Variants in DPP10 observed in about 807,000 individuals in gnomAD.
DPP10 encodes the protein inactive dipeptidyl peptidase 10.
DPP10 carries 33 observed loss-of-function variants against 120.9 expected under a neutral mutation model. The observed-to-expected ratio is 0.27, with a 90% CI of 0.21 to 0.37. The LOEUF is 0.37. Ranked by LOEUF, DPP10 falls within the 10% of genes least tolerant of loss-of-function variation. The pLI is 1.00. For synonymous variants in DPP10, 337 were observed against 326.1 expected (o/e 1.03, Z -0.36); for missense variants, 816 against 942.8 (o/e 0.87, Z 1.76).
At chr2:115,669,727 AT>A (rs1323624671) in intron 5 of DPP10, among the ~76,000 whole-genome samples, 2 of 152,072 alleles carry the variant, frequency 1.3e-5, no homozygotes, top group African/African-American at 2.4e-5. Flanking sequence ...ACATTGCATG[AT>A]GCTTATTAGC....
chr2:115,523,640 A>G (rs1470472118), intron 4 of DPP10, among the ~76,000 whole-genome samples: 1 of 152,042 alleles, frequency 6.6e-6, no homozygotes, highest in Admixed American at 6.6e-5. Flanking sequence ...TAAAAACAAT[A>G]CACCTCCTGA....
At chr2:115,714,079 T>C (rs533437834) in intron 7 of DPP10, among the ~76,000 whole-genome samples, 18 of 152,298 alleles carry the variant, frequency 1.2e-4, no homozygotes, top group Admixed American at 8.5e-4. Context: ...CAGGTTAGTC[T>C]ATTCTAATGT....
intron 1 of DPP10, among the ~76,000 whole-genome samples, chr2:114,754,794 C>G (rs1324635463): frequency 1.3e-5 from 2 of 152,150 alleles, no homozygotes; most frequent in Admixed American, 1.3e-4. Flanking sequence ...AACAATTAAC[C>G]AGACTGTTAG....
chr2:115,661,356 A>G (rs1292217292), intron 5 of DPP10, among the ~76,000 whole-genome samples: 2 of 152,234 alleles, frequency 1.3e-5, no homozygotes, highest in East Asian at 1.9e-4. Flanking sequence ...ATGGAAATCA[A>G]CTAGTTAGGA....
chr2:114,592,961 G>T (rs1022891450), intron 1 of DPP10, among the ~76,000 whole-genome samples: 1 of 152,044 alleles, frequency 6.6e-6, no homozygotes, highest in Non-Finnish European at 1.5e-5. Flanking sequence ...TTTGTGATTG[G>T]TTTATTTAGA....
At chr2:114,445,382 C>A (rs1677880383) in intron 1 of DPP10, among the ~76,000 whole-genome samples, 1 of 152,150 alleles carries the variant, frequency 6.6e-6, no homozygotes, top group Non-Finnish European at 1.5e-5. Context: ...CTCTAGAGAA[C>A]TTTTCCCCCA....
chr2:114,704,937 A>G (rs1236234592), intron 1 of DPP10, among the ~76,000 whole-genome samples: 1 of 152,158 alleles, frequency 6.6e-6, no homozygotes, highest in African/African-American at 2.4e-5. Flanking sequence ...AGGAAAGACT[A>G]TCTGAGGACA....
At chr2:115,216,129 T>G (rs1343781737) in intron 1 of DPP10, among the ~76,000 whole-genome samples, 1 of 151,664 alleles carries the variant, frequency 6.6e-6, no homozygotes, top group Admixed American at 6.6e-5. Context: ...AAGAGTAGAG[T>G]AACAGACACT....
Position 115,310,765 on chromosome 2 carries a change from C to T in DPP10, c.175+1412C>T, listed in dbSNP as rs374631882. Among the ~76,000 whole-genome samples, 19 of 152,278 alleles carry T rather than the reference C, an allele frequency of 1.2e-4. No homozygotes were observed. The East Asian group carries it at 3.1e-3, about 25-fold the overall frequency. ...GTTTCAGCATGGTGTTTCACTTAAA[C>T]ACAAGAAGTTTAACATAATTATAAA... On this transcript the variant is annotated intron_variant, in intron 2 of 25. Transcript: ENST00000410059.
intron 1 of DPP10, among the ~76,000 whole-genome samples, chr2:114,860,840 A>T (rs1191109555): frequency 6.6e-6 from 1 of 152,176 alleles, no homozygotes; most frequent in East Asian, 1.9e-4. Flanking sequence ...GTATTTAATA[A>T]AAAGAATCCC....
chr2:114,701,698 C>A (rs1024198957), intron 1 of DPP10, among the ~76,000 whole-genome samples: 3 of 151,992 alleles, frequency 2.0e-5, no homozygotes, highest in Non-Finnish European at 2.9e-5. Flanking sequence ...AAAACGAGTG[C>A]CAACTACATC....
chr2:114,834,645 C>T (rs941179410), intron 1 of DPP10, among the ~76,000 whole-genome samples: 5 of 128,192 alleles, frequency 3.9e-5, no homozygotes, highest in South Asian at 2.5e-4. Flanking sequence ...GCCATATCTA[C>T]ACACCTATGT....
rs144899269 is a variant in DPP10, at chr2:114,877,786, C to T, written c.61-431453C>T. ...AGTCATGAAGCCATGAAGCTGTCCC[C>T]GTTAACATGGGAAAATTCTTTTTGT... On this transcript the variant is annotated intron_variant, in intron 1 of 25. Transcript: ENST00000410059. Among the ~76,000 whole-genome samples, 433 of 152,022 alleles carry T rather than the reference C, an allele frequency of 2.8e-3. 5 individuals are homozygous for T. Among genetic ancestry groups the T allele is most frequent in the African/African-American group, 9.8e-3 (406 of 41,506 alleles).
chr2:115,821,497 AAGAG>A (rs746239824), intron 21 of DPP10, among the ~76,000 whole-genome samples: 5 of 151,952 alleles, frequency 3.3e-5, no homozygotes, highest in Non-Finnish European at 2.9e-5. Context: ...TTTAAACAAA[AAGAG>A]AGAGAGAGAA....
In DPP10 at chr2:114,835,949, C is replaced by T. The variant is rs77015339; in HGVS notation, c.60+393111C>T. On this transcript the variant is annotated intron_variant, in intron 1 of 25. Coordinates refer to ENST00000410059, the MANE Select transcript of DPP10 (RefSeq NM_020868.6). Reference sequence around the variant, plus strand: ...TTTTAGATTGAGTGAGTAATAATAGCCTTATCTTCTTTTGCCCTTTATCCT... The same window carrying T: ...TTTTAGATTGAGTGAGTAATAATAGTCTTATCTTCTTTTGCCCTTTATCCT... 4.1e-3 allele frequency among the ~76,000 whole-genome samples: 620 copies of T among 152,122 alleles called. 6 individuals are homozygous for T. Among genetic ancestry groups the T allele is most frequent in the African/African-American group, 0.014 (593 of 41,494 alleles).
At chr2:115,205,187 ATT>A (rs2056036254) in intron 1 of DPP10, among the ~76,000 whole-genome samples, 1 of 152,102 alleles carries the variant, frequency 6.6e-6, no homozygotes, top group East Asian at 1.9e-4. Context: ...CCAGAAGGGT[ATT>A]TCCTAGATTT....
chr2:115,660,736 T>G (rs2088889753), intron 5 of DPP10, among the ~76,000 whole-genome samples: 1 of 150,686 alleles, frequency 6.6e-6, no homozygotes, highest in African/African-American at 2.4e-5. Flanking sequence ...GTTTATTCTG[T>G]TTTGCTTTGC....
At chr2:115,339,694 T>C (rs2063346277) in intron 2 of DPP10, among the ~76,000 whole-genome samples, 1 of 152,194 alleles carries the variant, frequency 6.6e-6, no homozygotes, top group Admixed American at 6.6e-5. Context: ...TTCTGAGTGA[T>C]AAAAGCCAGT....
chr2:115,786,213 A>G lies in DPP10; in HGVS notation c.1531+3814A>G, dbSNP rs79286932. On this transcript the variant is annotated intron_variant, in intron 17 of 25. Coordinates refer to ENST00000410059, the MANE Select transcript of DPP10 (RefSeq NM_020868.6). ...CACAGTTCAGGACAAGAGGAAGTCA[A>G]TGAGAAGACATTTTCAGAAAAACGA... is the stretch of plus-strand genomic sequence containing the variant. 3.5e-3 allele frequency among the ~76,000 whole-genome samples: 533 copies of G among 152,324 alleles called. 1 individual carries two copies. The highest frequency in any genetic ancestry group is 0.012 in the African/African-American group (492 of 41,580).
Sources: allele counts gnomAD v4.1 joint callset (sites outside exome capture counted in the v4.1 genomes callset), GRCh38; gene constraint gnomAD v4.1.1; transcripts MANE v1.5; gene names NCBI Gene and HGNC (gene_info 2026-07-23, HGNC 2026-07-21).